RPS6KA2: variants seen among roughly 807,000 people sequenced by gnomAD.
The protein encoded by RPS6KA2 is ribosomal protein S6 kinase alpha-2.
In RPS6KA2, 42 loss-of-function variants were observed where a neutral mutation model predicts 91.8. The observed-to-expected ratio is 0.46, with a 90% confidence interval of 0.36 to 0.59. RPS6KA2 has a LOEUF of 0.59. Among genes scored for constraint, RPS6KA2 ranks in the 20% least tolerant of loss-of-function variants. The pLI, the probability that RPS6KA2 is intolerant of heterozygous loss-of-function variation, is 0.00. For synonymous variants in RPS6KA2, 414 were observed against 393.6 expected, an observed-to-expected ratio of 1.05 and a Z score of -0.61; for missense variants, 798 against 978.5, an observed-to-expected ratio of 0.82 and a Z score of 2.46.
intron 2 of RPS6KA2, among the ~76,000 whole-genome samples, chr6:166,788,232 T>C (rs1251627396): frequency 6.6e-6 from 1 of 152,208 alleles, no homozygotes; most frequent in Non-Finnish European, 1.5e-5. Flanking sequence ...TTTTATGCTG[T>C]TGGTGGGAGT....
At chr6:166,751,972 C>T (rs1791300000) in intron 2 of RPS6KA2, among the ~76,000 whole-genome samples, 1 of 152,128 alleles carries the variant, frequency 6.6e-6, no homozygotes, top group South Asian at 2.1e-4. Flanking sequence ...AGCACAGAAG[C>T]CAGACTCCTT....
Position 166,504,586 on chromosome 6 carries a change from C to T in RPS6KA2, c.486G>A (p.Lys162=). ...CCAAGGCCAGCTCAGCCAGGTAGAACTTGACATCCTCCTCCGTGAACATGA... is the reference window on the plus strand; with the variant it reads ...CCAAGGCCAGCTCAGCCAGGTAGAATTTGACATCCTCCTCCGTGAACATGA... The part of the protein sequence containing the change: ...KEVMFTEEDV[K]FYLAELALAL... Residue 162 remains lysine (K), a synonymous_variant, in exon 6 of 21, where the codon AAG becomes AAA. Transcript: ENST00000265678. The T allele has an allele frequency of 8.1e-6, 13 of 1,613,556 alleles. No homozygotes were observed. The highest frequency in any genetic ancestry group is 1.1e-5 in the Non-Finnish European group (13 of 1,179,620).
chr6:166,488,895 A>G lies in RPS6KA2; in HGVS notation c.845T>C (p.Leu282Pro), dbSNP rs1206011934. The G allele has an allele frequency of 1.9e-6, 3 of 1,613,754 alleles. No homozygotes were observed. Among genetic ancestry groups the G allele is most frequent in the Non-Finnish European group, 2.5e-6 (3 of 1,179,852 alleles). Residue 282 changes from leucine to proline, a missense_variant, in exon 10 of 21, where the codon CTC becomes CCC. Transcript: ENST00000265678. ...LKAKLGMPQF[L>P]SGEAQSLLRA... ...CAGCAAACTCTGTGCCTCCCCACTG[A>G]GGAACTGCGGCATCCCCAGCTTGGC...
At chr6:166,654,004 A>G (rs983210787) in intron 2 of RPS6KA2, among the ~76,000 whole-genome samples, 1 of 152,250 alleles carries the variant, frequency 6.6e-6, no homozygotes, top group African/African-American at 2.4e-5. Flanking sequence ...AGAACTCCCC[A>G]AAGAAAAATC....
intron 1 of RPS6KA2, among the ~76,000 whole-genome samples, chr6:166,601,457 T>C (rs1369076155): frequency 1.3e-5 from 2 of 152,194 alleles, no homozygotes; most frequent in Non-Finnish European, 2.9e-5. Context: ...GCTACGACAA[T>C]ATTGAGAAAA....
chr6:166,806,518 T>G, intron 2 of RPS6KA2, among the ~76,000 whole-genome samples: 1 of 152,160 alleles, frequency 6.6e-6, no homozygotes, highest in East Asian at 1.9e-4. Context: ...AACCAAGAAT[T>G]CTATATTCAG....
rs1269775507 is a variant in RPS6KA2, at chr6:166,767,408, A to G, written c.123+90792T>C. ...AATGTGCTCCAGATCAATGCGGTCC[A>G]GAGGTGAAAGCGTGGTTAGAGGAAG... is the stretch of plus-strand genomic sequence containing the variant. On this transcript the variant is annotated intron_variant, in intron 2 of 21. Coordinates refer to the RPS6KA2 transcript ENST00000503859. This position sits in a 1 kb window ranked among gnomAD's most constrained non-coding sequence, Gnocchi z 4.6. Among the ~76,000 whole-genome samples, 5 of 152,226 alleles carry G rather than the reference A, an allele frequency of 3.3e-5. No homozygotes were observed. Among genetic ancestry groups the G allele is most frequent in the South Asian group, 2.1e-4 (1 of 4,832 alleles).
chr6:166,707,006 G>C (rs528708635), intron 2 of RPS6KA2, among the ~76,000 whole-genome samples: 1 of 152,288 alleles, frequency 6.6e-6, no homozygotes, highest in East Asian at 1.9e-4. Flanking sequence ...TTCAATTTAG[G>C]AGTGAATATT....
chr6:166,487,646 T>C (rs1781456298), intron 10 of RPS6KA2, among the ~76,000 whole-genome samples: 1 of 152,232 alleles, frequency 6.6e-6, no homozygotes, highest in South Asian at 2.1e-4. Context: ...AAGAGTGGTT[T>C]ACGTGATAAA....
intron 1 of RPS6KA2, among the ~76,000 whole-genome samples, chr6:166,610,145 G>T (rs1786115508): frequency 6.6e-6 from 1 of 152,180 alleles, no homozygotes; most frequent in African/African-American, 2.4e-5. Context: ...AGGGAAAGAT[G>T]TTCTGAAATG....
chr6:166,769,133 T>C (rs1778397526), intron 2 of RPS6KA2, among the ~76,000 whole-genome samples: 1 of 152,148 alleles, frequency 6.6e-6, no homozygotes, highest in Non-Finnish European at 1.5e-5. Context: ...ACCAGACCAA[T>C]GGCTGTGCCA....
intron 1 of RPS6KA2, among the ~76,000 whole-genome samples, chr6:166,559,467 A>G (rs1283211862): frequency 6.6e-6 from 1 of 152,246 alleles, no homozygotes; most frequent in Non-Finnish European, 1.5e-5. Flanking sequence ...AATGAGGCAG[A>G]AACCACCATG....
chr6:166,845,772 A>G (rs1463930662), intron 2 of RPS6KA2, among the ~76,000 whole-genome samples: 2 of 152,176 alleles, frequency 1.3e-5, no homozygotes, highest in Non-Finnish European at 2.9e-5. Context: ...AAAAGAGCAC[A>G]AATAGACAAT....
At chr6:166,753,390 C>G (rs1258254582) in intron 2 of RPS6KA2, among the ~76,000 whole-genome samples, 1 of 152,158 alleles carries the variant, frequency 6.6e-6, no homozygotes, top group Admixed American at 6.5e-5. Flanking sequence ...TGTAAAGAAT[C>G]AATAATATAC....
At chr6:166,625,727 T>A (rs912730828) in intron 1 of RPS6KA2, among the ~76,000 whole-genome samples, 1 of 152,178 alleles carries the variant, frequency 6.6e-6, no homozygotes, top group African/African-American at 2.4e-5. Flanking sequence ...TCTTTCAATA[T>A]TAGACTTAAA....
rs997400574 is a variant in RPS6KA2, at chr6:166,437,626, A to G, written c.1333-5136T>C. Among the ~76,000 whole-genome samples the G allele has an allele frequency of 8.5e-5, 13 of 152,216 alleles. No individual in the cohort carries two copies. The highest frequency in any genetic ancestry group is 3.1e-4 in the African/African-American group (13 of 41,458). Reference sequence around the variant, plus strand: ...GGTGTTGCCACCGAGCAGGCTGAATATTTCCACCTTCCTTAGAGATGCTGA... The same window carrying G: ...GGTGTTGCCACCGAGCAGGCTGAATGTTTCCACCTTCCTTAGAGATGCTGA... On this transcript the variant is annotated intron_variant, in intron 14 of 20. Coordinates refer to ENST00000265678, the MANE Select transcript of RPS6KA2 (RefSeq NM_021135.6). This position sits in a 1 kb window ranked among gnomAD's most constrained non-coding sequence, Gnocchi z 4.3.
chr6:166,686,079 C>T (rs147321356), intron 2 of RPS6KA2, among the ~76,000 whole-genome samples: 3 of 152,248 alleles, frequency 2.0e-5, no homozygotes, highest in East Asian at 1.9e-4. Context: ...CAGACACCTA[C>T]GGAAGGATCG....
In RPS6KA2 at chr6:166,490,835, C is replaced by T. The variant is rs1426521259; in HGVS notation, c.748-94G>A. On this transcript the variant is annotated intron_variant, in intron 8 of 20. Transcript: ENST00000265678. This position sits in a 1 kb window ranked among gnomAD's most constrained non-coding sequence, Gnocchi z 4.2. ...CAGCAGGGCAGCCTGCTACCGTGTC[C>T]ATTTCCTCATGCAAAATCTCCATCA... 2.3e-6 allele frequency: 2 copies of T among 867,584 alleles called. No homozygotes were observed. The highest frequency in any genetic ancestry group is 3.4e-5 in the African/African-American group (2 of 58,822). 53.7% of individuals were successfully genotyped at this position (867,584 alleles called of 1,614,324 possible).
intron 2 of RPS6KA2, among the ~76,000 whole-genome samples, chr6:166,822,267 G>T (rs577742939): frequency 6.6e-6 from 1 of 152,312 alleles, no homozygotes; most frequent in African/African-American, 2.4e-5. Flanking sequence ...GCCTGTGTCT[G>T]AAGACAAGGC....
Sources: allele counts gnomAD v4.1 joint callset (sites outside exome capture counted in the v4.1 genomes callset), GRCh38; gene constraint gnomAD v4.1.1; non-coding constraint Gnocchi (gnomAD v3.1); transcripts MANE v1.5; gene names NCBI Gene and HGNC (gene_info 2026-07-23, HGNC 2026-07-21).